The following SHROOM3 variants were observed in gnomAD, a reference collection of about 807,000 sequenced individuals.
SHROOM3 encodes the protein shroom family member 3.
Under a neutral mutation model 138.6 loss-of-function variants are expected in SHROOM3, and 47 were observed. The ratio of observed to expected loss-of-function variants is 0.34; its 90% CI spans 0.27 to 0.43. The LOEUF is 0.43. Ranked by LOEUF, SHROOM3 falls within the 20% of genes least tolerant of loss-of-function variation. The pLI is 1.00. For missense variants in SHROOM3, 2,491 were observed against 2,596.5 expected (o/e 0.96, Z 0.88); for synonymous variants, 1,062 against 1,063.3 (o/e 1.00, Z 0.02).
chr4:76,524,078 G>A (rs141274275), intron 1 of SHROOM3, among the ~76,000 whole-genome samples: 1 of 152,318 alleles, frequency 6.6e-6, no homozygotes, highest in East Asian at 1.9e-4. Context: ...GGAGAAACAA[G>A]GCAAAGAAGA....
intron 2 of SHROOM3, among the ~76,000 whole-genome samples, chr4:76,694,276 C>T (rs1178778526): frequency 6.6e-6 from 1 of 152,160 alleles, no homozygotes; most frequent in African/African-American, 2.4e-5. Context: ...GGTTCATAGA[C>T]ACTCCAGCCA....
intron 2 of SHROOM3, among the ~76,000 whole-genome samples, chr4:76,659,754 G>A (rs950783141): frequency 1.3e-5 from 2 of 152,122 alleles, no homozygotes; most frequent in Non-Finnish European, 2.9e-5. Flanking sequence ...GCTAATTTTT[G>A]TATTTTTAGT....
At chr4:76,735,856 AAAAAAAAAAAAAATATAT>A (rs1249322707) in intron 4 of SHROOM3, among the ~76,000 whole-genome samples, 4 of 48,008 alleles carry the variant, frequency 8.3e-5, no homozygotes, top group East Asian at 4.5e-4. Flanking sequence ...AAAAAAAAAA[AAAAAAAAAAAAAATATAT>A]ATATATATAT....
intron 2 of SHROOM3, among the ~76,000 whole-genome samples, chr4:76,684,871 G>A (rs1493362): frequency 0.3 from 45,250 of 152,066 alleles, 6,981 homozygotes; most frequent in East Asian, 0.42. Context: ...TTCACTACAT[G>A]AAATAGATCA....
At chr4:76,536,009 A>C (rs4859690) in intron 1 of SHROOM3, among the ~76,000 whole-genome samples, 102,923 of 152,138 alleles carry the variant, frequency 0.68, 35,196 homozygotes, top group East Asian at 0.94. Context: ...ATCCAGACCC[A>C]GCGCTTTCTC....
intron 2 of SHROOM3, chr4:76,689,593 G>A: frequency 1.0e-6 from 1 of 985,072 alleles, no homozygotes; most frequent in South Asian, 4.7e-5. Flanking sequence ...GTTGGGCCCC[G>A]CCGGCGATGC....
At chr4:76,610,766 TA>T (rs1734744180) in intron 2 of SHROOM3, among the ~76,000 whole-genome samples, 1 of 152,178 alleles carries the variant, frequency 6.6e-6, no homozygotes, top group South Asian at 2.1e-4. Flanking sequence ...CTCCAGATCT[TA>T]AGGTTATCTC....
At chr4:76,534,274 A>G (rs945067654) in intron 1 of SHROOM3, among the ~76,000 whole-genome samples, 7 of 152,190 alleles carry the variant, frequency 4.6e-5, no homozygotes, top group African/African-American at 1.7e-4. Flanking sequence ...TTAAACTCTC[A>G]TAAAACAACC....
chr4:76,694,692 T>A (rs1413695486), intron 2 of SHROOM3, among the ~76,000 whole-genome samples: 1 of 152,192 alleles, frequency 6.6e-6, no homozygotes, highest in East Asian at 1.9e-4. Context: ...GTATTAATAT[T>A]TATTAGGTTA....
rs143260730 is a variant in SHROOM3, at chr4:76,779,293, G to C, written c.*116G>C. ...ATCTGGGTTATTGGTGTTTGTTCCT[G>C]ATGAAAGGAAAAAAATTCTCTCCAG... On this transcript the variant is annotated 3_prime_UTR_variant, in exon 11 of 11. Transcript: ENST00000296043. The C allele has an allele frequency of 1.4e-6, 2 of 1,402,364 alleles. No individual in the cohort carries two copies. Among genetic ancestry groups the C allele is most frequent in the African/African-American group, 2.9e-5 (2 of 69,612 alleles). 86.9% of individuals were successfully genotyped at this position (1,402,364 alleles called of 1,614,324 possible). A position where few individuals can be genotyped will look rare whatever the true frequency, so the allele number is the denominator to read the frequency against.
At chr4:76,577,915 G>T (rs2110041825) in intron 2 of SHROOM3, among the ~76,000 whole-genome samples, 1 of 152,258 alleles carries the variant, frequency 6.6e-6, no homozygotes, top group African/African-American at 2.4e-5. Flanking sequence ...TAATATCTAT[G>T]TTAATAAAAG....
chr4:76,714,503 CATTACTGGTGATG>C (rs1320349821), intron 3 of SHROOM3, among the ~76,000 whole-genome samples: 1 of 152,130 alleles, frequency 6.6e-6, no homozygotes, highest in Non-Finnish European at 1.5e-5. Flanking sequence ...CAATATGTCT[CATTACTGGTGATG>C]ATTAACCTTG....
chr4:76,660,554 C>A (rs1224104255), intron 2 of SHROOM3, among the ~76,000 whole-genome samples: 2 of 152,262 alleles, frequency 1.3e-5, no homozygotes, highest in East Asian at 3.9e-4. Context: ...CGGCTCACTG[C>A]AACCTCCGCC....
chr4:76,565,966 C>T (rs188940368), intron 2 of SHROOM3, among the ~76,000 whole-genome samples: 9 of 151,806 alleles, frequency 5.9e-5, no homozygotes, highest in East Asian at 1.9e-4. Flanking sequence ...AAAAACTAGC[C>T]GGGCATGGTG....
At chr4:76,582,376 A>T (rs561385894) in intron 2 of SHROOM3, among the ~76,000 whole-genome samples, 75 of 146,418 alleles carry the variant, frequency 5.1e-4, no homozygotes, top group African/African-American at 1.8e-3. Context: ...CCCAGAAATT[A>T]AAAAAAAAAA....
intron 2 of SHROOM3, among the ~76,000 whole-genome samples, chr4:76,683,184 T>C (rs770417044): frequency 2.6e-5 from 4 of 152,216 alleles, no homozygotes; most frequent in Non-Finnish European, 5.9e-5. Context: ...TTTTGCTGAA[T>C]AGTTTTTTTT....
chr4:76,541,844 G>A (rs529595870), intron 1 of SHROOM3, among the ~76,000 whole-genome samples: 2 of 152,094 alleles, frequency 1.3e-5, no homozygotes, highest in African/African-American at 4.8e-5. Context: ...GGAGTGCAGC[G>A]GCCTCTTGTC....
At chr4:76,728,628 G>A (rs540111478) in intron 3 of SHROOM3, among the ~76,000 whole-genome samples, 1 of 152,232 alleles carries the variant, frequency 6.6e-6, no homozygotes, top group African/African-American at 2.4e-5. Context: ...TTCTGCTGTT[G>A]ATGTCTTGAT....
At chr4:76,730,997 G>T (rs1280928861) in intron 4 of SHROOM3, 62 bp downstream of exon 4, 4 of 1,599,574 alleles carry the variant, frequency 2.5e-6, no homozygotes, top group Non-Finnish European at 3.4e-6. Context: ...TCCCAGAAAA[G>T]AATGTTTTCT....
Sources: allele counts gnomAD v4.1 joint callset (sites outside exome capture counted in the v4.1 genomes callset), GRCh38; gene constraint gnomAD v4.1.1; transcripts MANE v1.5; gene names NCBI Gene and HGNC (gene_info 2026-07-23, HGNC 2026-07-21).